The following DNMT3A variants were observed in gnomAD, a reference collection of about 807,000 sequenced individuals.
The protein encoded by DNMT3A is DNA methyltransferase 3 alpha.
In DNMT3A, 267 loss-of-function variants were observed where a neutral mutation model predicts 117.6. The ratio of observed to expected loss-of-function variants is 2.27; its 90% CI spans 2.05 to 2.51. The LOEUF (loss-of-function observed/expected upper bound fraction) is 2.51. Ranked by LOEUF, DNMT3A falls within the 30% of genes most tolerant of loss-of-function variation. DNMT3A has a pLI of 0.00. For missense variants in DNMT3A, 1,029 were observed against 1,260.2 expected (o/e 0.82, Z 2.78); for synonymous variants, 432 against 474.8 (o/e 0.91, Z 1.17).
At chr2:25,333,702 C>A (rs1267903463) in intron 1 of DNMT3A, among the ~76,000 whole-genome samples, 1 of 152,216 alleles carries the variant, frequency 6.6e-6, no homozygotes, top group Non-Finnish European at 1.5e-5. Flanking sequence ...CCTAACCAGG[C>A]AGCCCTGGAA....
At chr2:25,297,511 T>G (rs2033161521) in intron 3 of DNMT3A, among the ~76,000 whole-genome samples, 1 of 148,208 alleles carries the variant, frequency 6.7e-6, no homozygotes, top group African/African-American at 2.5e-5. Flanking sequence ...TGCATTGTTT[T>G]TTTTTTTTTT....
chr2:25,251,786 C>T, intron 6 of DNMT3A: 1 of 270,186 alleles, frequency 3.7e-6, no homozygotes, highest in Non-Finnish European at 7.0e-6. Flanking sequence ...CTGAGGACCG[C>T]GTGGTCCCCC....
Position 25,275,102 on chromosome 2 carries a change from CAGACATTA to C in DNMT3A, c.493-23_493-16del, listed in dbSNP as rs1477311841. 1 of 1,563,410 alleles carries C rather than the reference CAGACATTA, an allele frequency of 6.4e-7. No individual in the cohort carries two copies. Among genetic ancestry groups the C allele is most frequent in the African/African-American group, 1.3e-5 (1 of 74,104 alleles). The stretch of plus-strand genomic sequence containing the variant: ...CCCCGGGAGCCCTAGGACAGAGAGA[CAGACATTA>C]GGGCATTAGGGTGGGCACTGACGGA... On this transcript the variant is annotated splice_polypyrimidine_tract_variant and intron_variant, in intron 5 of 22. Coordinates refer to ENST00000321117, the MANE Select transcript of DNMT3A (RefSeq NM_022552.5).
At position 25,288,829 on chromosome 2, in the gene DNMT3A, G is replaced by C. The variant is rs150533373; in HGVS notation, c.178-6118C>G. Among the ~76,000 whole-genome samples, 10 of 152,132 alleles carry C rather than the reference G, an allele frequency of 6.6e-5. No individual in the cohort carries two copies. The East Asian group carries it at 1.9e-3, about 29-fold the overall frequency. On this transcript the variant is annotated intron_variant, in intron 3 of 22. Transcript: ENST00000321117. The stretch of plus-strand genomic sequence containing the variant: ...CCCAGTCACCACTCTTCTACTTTCT[G>C]TCTTCTAAGGAGCATTTTAAAGGAA...
rs1356619799 is a variant in DNMT3A, at chr2:25,314,130, C to A, written c.-146G>T. 1.4e-6 allele frequency: 2 copies of A among 1,426,860 alleles called. No homozygotes were observed. Among genetic ancestry groups the A allele is most frequent in the Non-Finnish European group, 1.8e-6 (2 of 1,093,572 alleles). 88.4% of individuals were successfully genotyped at this position (1,426,860 alleles called of 1,614,324 possible). On this transcript the variant is annotated 5_prime_UTR_variant, in exon 2 of 23. Coordinates refer to ENST00000321117, the MANE Select transcript of DNMT3A (RefSeq NM_022552.5). ...GCCCTCTGGTGAACGGTGCCTCTGT[C>A]AGCCTGTGGGTGGGGGCTTCGATGG... is the stretch of plus-strand genomic sequence containing the variant.
chr2:25,282,154 C>CTTT lies in DNMT3A; in HGVS notation c.448+284_448+286dup. The CTTT allele has an allele frequency of 4.3e-6, 4 of 935,606 alleles. No individual in the cohort carries two copies. Among genetic ancestry groups the CTTT allele is most frequent in the South Asian group, 2.9e-5 (1 of 34,618 alleles). 58.0% of individuals were successfully genotyped at this position (935,606 alleles called of 1,614,324 possible). ...GAAAGCCCGCTGTTGCCAGATCTAGCTTTTTTTTTTTTCATGAGAAGCCAA... is the reference window on the plus strand; with the variant it reads ...GAAAGCCCGCTGTTGCCAGATCTAGCTTTTTTTTTTTTTTTCATGAGAAGCCAA... On this transcript the variant is annotated intron_variant, in intron 4 of 22. Transcript: ENST00000321117. The surrounding 1 kb of genome is among the most constrained non-coding windows in gnomAD (Gnocchi z 5.2).
At chr2:25,261,448 A>AG (rs1379063887) in intron 6 of DNMT3A, among the ~76,000 whole-genome samples, 2 of 148,184 alleles carry the variant, frequency 1.3e-5, no homozygotes, top group East Asian at 4.0e-4. Flanking sequence ...CAAAAAAAAA[A>AG]AAAAAAAAAA....
At chr2:25,246,917 C>T (rs932424081) in intron 9 of DNMT3A, 134 bp downstream of exon 9, 10 of 1,479,194 alleles carry the variant, frequency 6.8e-6, no homozygotes, top group East Asian at 2.3e-5. Context: ...GATGTGCATA[C>T]GGGCGAGCGA....
At chr2:25,250,477 G>GA (rs1172636608) in intron 6 of DNMT3A, among the ~76,000 whole-genome samples, 1 of 152,204 alleles carries the variant, frequency 6.6e-6, no homozygotes, top group Non-Finnish European at 1.5e-5. Context: ...GGGGGTGGAA[G>GA]AATGTGGAGT....
rs1384557111 is a variant in DNMT3A at position 25,254,150 on chromosome 2, G to T, written c.640-5898C>A. 6.6e-6 allele frequency among the ~76,000 whole-genome samples: 1 copy of T among 151,274 alleles called. No homozygotes were observed. The highest frequency in any genetic ancestry group is 1.5e-5 in the Non-Finnish European group (1 of 67,930). ...CTTAAACAAGTCACTTAACCCCCAA[G>T]AAATCTGTTGTCTCATCTGCAAAAC... On this transcript the variant is annotated intron_variant, in intron 6 of 22. Transcript: ENST00000321117. The surrounding 1 kb of genome is among the most constrained non-coding windows in gnomAD (Gnocchi z 4.7).
chr2:25,292,324 T>C (rs2032818262), intron 3 of DNMT3A, among the ~76,000 whole-genome samples: 1 of 151,822 alleles, frequency 6.6e-6, no homozygotes, highest in Admixed American at 6.6e-5. Context: ...CACTCCGGCC[T>C]GGGCAACAGA....
chr2:25,332,527 G>T (rs1364244851), intron 1 of DNMT3A, among the ~76,000 whole-genome samples: 1 of 152,218 alleles, frequency 6.6e-6, no homozygotes, highest in Non-Finnish European at 1.5e-5. Context: ...CACACAGTAG[G>T]TCTCTTAGAT....
Position 25,241,725 on chromosome 2 carries a change from C to A in DNMT3A, c.1937-18G>T, listed in dbSNP as rs1674077327. ...CAGGAGCCCTGCACCAGCCAGCAGA[C>A]AGCACCGTTACTTGGAGCCATCTCC... On this transcript the variant is annotated intron_variant, in intron 16 of 22. Coordinates refer to ENST00000321117, the MANE Select transcript of DNMT3A (RefSeq NM_022552.5). 3 of 1,612,260 alleles carry A rather than the reference C, an allele frequency of 1.9e-6. No homozygotes were observed. The highest frequency in any genetic ancestry group is 2.7e-5 in the African/African-American group (2 of 74,948).
chr2:25,299,611 A>G (rs2033304279), intron 3 of DNMT3A, among the ~76,000 whole-genome samples: 1 of 152,184 alleles, frequency 6.6e-6, no homozygotes, highest in African/African-American at 2.4e-5. Context: ...CTGGCTTCTC[A>G]GGGCCTCCAC....
At chr2:25,241,856 T>A in intron 16 of DNMT3A, 149 bp from the exon 17 acceptor site, 1 of 976,798 alleles carries the variant, frequency 1.0e-6, no homozygotes, top group Non-Finnish European at 1.5e-6. Flanking sequence ...AAATCCTTTC[T>A]GGATCCAACT....
At chr2:25,309,732 T>G (rs2033997093) in intron 2 of DNMT3A, among the ~76,000 whole-genome samples, 1 of 152,290 alleles carries the variant, frequency 6.6e-6, no homozygotes, top group South Asian at 2.1e-4. Flanking sequence ...AAAATAATAG[T>G]GTCTACCTTA....
chr2:25,262,167 C>T lies in DNMT3A; in HGVS notation c.639+12774G>A, dbSNP rs372675320. 4.7e-3 allele frequency among the ~76,000 whole-genome samples: 610 copies of T among 129,304 alleles called. 6 individuals are homozygous for T. The highest frequency in any genetic ancestry group is 0.018 in the African/African-American group (590 of 33,390). The allele number at this position is 129,304 out of a possible 152,430, so 84.8% of individuals were successfully genotyped here. A position where few individuals can be genotyped will look rare whatever the true frequency, so the allele number is the denominator to read the frequency against. The stretch of plus-strand genomic sequence containing the variant: ...ATTGTGCCACTGCACTCCAGCCTGG[C>T]GAGAGAGCAAGACTCCGTCTCAAAA... On this transcript the variant is annotated intron_variant, in intron 6 of 22. Coordinates refer to ENST00000321117, the MANE Select transcript of DNMT3A (RefSeq NM_022552.5).
Position 25,305,509 on chromosome 2 carries a change from T to C in DNMT3A, c.73-5266A>G, listed in dbSNP as rs1400523650. Among the ~76,000 whole-genome samples the C allele has an allele frequency of 1.3e-5, 2 of 152,254 alleles. No individual in the cohort carries two copies. Among genetic ancestry groups the C allele is most frequent in the Admixed American group, 1.3e-4 (2 of 15,286 alleles). On this transcript the variant is annotated intron_variant, in intron 2 of 22. Coordinates refer to ENST00000321117, the MANE Select transcript of DNMT3A (RefSeq NM_022552.5). This position sits in a 1 kb window ranked among gnomAD's most constrained non-coding sequence, Gnocchi z 4.1. ...CACATATGTTATTTCATTGTATTCT[T>C]ACACTTTACAGAAAGCAGAGCTGGT...
At chr2:25,300,471 G>A (rs775696599) in intron 2 of DNMT3A, among the ~76,000 whole-genome samples, 9 of 150,266 alleles carry the variant, frequency 6.0e-5, no homozygotes, top group East Asian at 2.0e-4. Context: ...GCCAGGCACC[G>A]TGGCTCATGC....
Sources: gnomAD v4.1 joint callset for allele counts (sites outside exome capture counted in the v4.1 genomes callset) on GRCh38, gnomAD v4.1.1 for gene constraint, Gnocchi (gnomAD v3.1) non-coding constraint, MANE v1.5 for transcripts, NCBI Gene and HGNC (gene_info 2026-07-23, HGNC 2026-07-21) for gene names.